Variants in OXR1 observed in about 807,000 individuals in gnomAD.
OXR1 encodes oxidation resistance protein 1.
OXR1 carries 41 observed loss-of-function variants against 104.6 expected under a neutral mutation model. That is an observed-to-expected ratio of 0.39 (90% confidence interval 0.31 to 0.51). The LOEUF (loss-of-function observed/expected upper bound fraction) is 0.51. Among genes scored for constraint, OXR1 ranks in the 20% least tolerant of loss-of-function variants. OXR1 has a pLI of 0.77. For synonymous variants in OXR1, 348 were observed against 348.4 expected, an observed-to-expected ratio of 1.00 and a Z score of 0.01; for missense variants, 955 against 1,031.9, an observed-to-expected ratio of 0.93 and a Z score of 1.02.
At chr8:106,537,968 G>T (rs1036060534) in intron 3 of OXR1, among the ~76,000 whole-genome samples, 6 of 152,190 alleles carry the variant, frequency 3.9e-5, no homozygotes, top group Non-Finnish European at 1.5e-5. Flanking sequence ...TGAAATTTTA[G>T]CAAAGTTTAT....
intron 3 of OXR1, among the ~76,000 whole-genome samples, chr8:106,661,129 G>A (rs1825720722): frequency 6.6e-6 from 1 of 152,160 alleles, no homozygotes; most frequent in Admixed American, 6.5e-5. Context: ...CATGAGCCAA[G>A]ATCACACCAC....
At chr8:106,356,336 A>G (rs1815970153) in intron 1 of OXR1, among the ~76,000 whole-genome samples, 1 of 152,144 alleles carries the variant, frequency 6.6e-6, no homozygotes, top group East Asian at 1.9e-4. Flanking sequence ...TAAATACCCT[A>G]AGGAAAAGGA....
At chr8:106,744,266 T>G (rs1480754092) in intron 15 of OXR1, among the ~76,000 whole-genome samples, 3 of 152,112 alleles carry the variant, frequency 2.0e-5, no homozygotes. Flanking sequence ...CACTTTGGAG[T>G]CATGCAAGTT....
intron 2 of OXR1, among the ~76,000 whole-genome samples, chr8:106,434,871 A>G (rs2130572805): frequency 6.6e-6 from 1 of 152,268 alleles, no homozygotes; most frequent in African/African-American, 2.4e-5. Context: ...TGAGGTCTCT[A>G]CTTCCTTTGA....
intron 2 of OXR1, among the ~76,000 whole-genome samples, chr8:106,412,249 A>G (rs917531798): frequency 2.0e-5 from 3 of 152,022 alleles, no homozygotes; most frequent in African/African-American, 7.2e-5. Context: ...TTTTGTGCCA[A>G]TAGGAGGTTT....
chr8:106,398,048 C>CTG (rs147790917), intron 2 of OXR1, among the ~76,000 whole-genome samples: 1 of 151,890 alleles, frequency 6.6e-6, no homozygotes, highest in Non-Finnish European at 1.5e-5. Context: ...ATGGCCTTCT[C>CTG]TGTGTGTGTG....
chr8:106,724,507 G>A (rs1032136355), intron 11 of OXR1, among the ~76,000 whole-genome samples: 1 of 152,198 alleles, frequency 6.6e-6, no homozygotes, highest in Non-Finnish European at 1.5e-5. Context: ...GCTTAAACCT[G>A]TTGTTTCTCG....
chr8:106,689,260 A>AC (rs1204767556), intron 6 of OXR1, among the ~76,000 whole-genome samples: 2 of 152,024 alleles, frequency 1.3e-5, no homozygotes, highest in African/African-American at 2.4e-5. Flanking sequence ...TCTTGTAAAT[A>AC]TATCACCACT....
At chr8:106,483,790 A>G (rs1285436603) in intron 2 of OXR1, among the ~76,000 whole-genome samples, 1 of 152,072 alleles carries the variant, frequency 6.6e-6, no homozygotes, top group Non-Finnish European at 1.5e-5. Flanking sequence ...TAGTGATGTC[A>G]TTATAAGCTA....
At chr8:106,466,063 A>G (rs1298472050) in intron 2 of OXR1, among the ~76,000 whole-genome samples, 2 of 152,098 alleles carry the variant, frequency 1.3e-5, no homozygotes. Context: ...ACCTTGTATA[A>G]ACTTCTAATA....
intron 3 of OXR1, among the ~76,000 whole-genome samples, chr8:106,571,832 G>C (rs1380508605): frequency 1.3e-5 from 2 of 151,890 alleles, no homozygotes; most frequent in Non-Finnish European, 2.9e-5. Context: ...CATTCCAAAA[G>C]AGGAAAAAAA....
In OXR1 at chr8:106,518,950, A is replaced by G. The variant is rs1227351104; in HGVS notation, c.31A>G (p.Lys11Glu). Residue 11 changes from lysine (K) to glutamate (E), a missense_variant, in exon 3 of 17, where the codon AAA becomes GAA. Physicochemically the swap from Lys to Glu is moderately conservative, Grantham distance 56. This residue lies in a region of OXR1 where 849 missense variants were observed against 852.9 expected (regional missense o/e 1.00). Transcript: ENST00000517566. MSVSNLSWLK[K>E]KSQSVDINAP... ...GGTCTTCTTTACTTGTAGGCTGAAG[A>G]AAAAGTCCCAGTCGGTGGATATTAA... 6.5e-7 allele frequency: 1 copy of G among 1,549,530 alleles called. No individual in the cohort carries two copies. The highest frequency in any genetic ancestry group is 8.7e-7 in the Non-Finnish European group (1 of 1,145,496).
At chr8:106,674,472 A>G (rs971090738) in intron 3 of OXR1, among the ~76,000 whole-genome samples, 10 of 152,128 alleles carry the variant, frequency 6.6e-5, no homozygotes, top group Non-Finnish European at 1.3e-4. Flanking sequence ...GGCAGAAGGA[A>G]CTTGCCTTGT....
intron 3 of OXR1, among the ~76,000 whole-genome samples, chr8:106,629,138 A>G (rs1279721916): frequency 6.6e-6 from 1 of 152,186 alleles, no homozygotes; most frequent in African/African-American, 2.4e-5. Flanking sequence ...TGAGGAAGAG[A>G]CAAAGTTGAA....
intron 2 of OXR1, among the ~76,000 whole-genome samples, chr8:106,476,346 G>T (rs567241969): frequency 7.9e-5 from 12 of 152,048 alleles, no homozygotes; most frequent in African/African-American, 2.9e-4. Flanking sequence ...TCAAAGCGTT[G>T]ATGAACCCAA....
chr8:106,390,696 G>A (rs577106612), intron 2 of OXR1, among the ~76,000 whole-genome samples: 2 of 152,210 alleles, frequency 1.3e-5, no homozygotes, highest in African/African-American at 4.8e-5. Flanking sequence ...CAATTCAGTA[G>A]AAAATTTTAG....
At chr8:106,655,652 A>T (rs1586977544) in intron 3 of OXR1, among the ~76,000 whole-genome samples, 1 of 152,314 alleles carries the variant, frequency 6.6e-6, no homozygotes, top group South Asian at 2.1e-4. Context: ...AAGGCAAAGT[A>T]ACATGTTCAA....
At chr8:106,655,128 G>T (rs1824937805) in intron 3 of OXR1, among the ~76,000 whole-genome samples, 1 of 151,970 alleles carries the variant, frequency 6.6e-6, no homozygotes, top group Non-Finnish European at 1.5e-5. Context: ...GTTGCCTAGG[G>T]CTGCAAGTGT....
At chr8:106,273,707 C>T (rs960355790) in intron 1 of OXR1, among the ~76,000 whole-genome samples, 43 of 152,150 alleles carry the variant, frequency 2.8e-4, no homozygotes, top group African/African-American at 1.0e-3. Context: ...AAGAGACTTT[C>T]TTTGCAAAAT....
Sources: gnomAD v4.1 joint callset for allele counts (sites outside exome capture counted in the v4.1 genomes callset) on GRCh38, gnomAD v4.1.1 for gene constraint, gnomAD v4.1.1 regional missense constraint, MANE v1.5 for transcripts, NCBI Gene and HGNC (gene_info 2026-07-23, HGNC 2026-07-21) for gene names.